DSCAM: variants seen among roughly 807,000 people sequenced by gnomAD.
The protein encoded by DSCAM is DS cell adhesion molecule, also known as cell adhesion molecule DSCAM.
Under a neutral mutation model 217.7 loss-of-function variants are expected in DSCAM, and 47 were observed. That is an observed-to-expected ratio of 0.22 (90% CI 0.17 to 0.28). The LOEUF is 0.28. Ranked by LOEUF, DSCAM falls within the 10% of genes least tolerant of loss-of-function variation. The probability of loss-of-function intolerance (pLI) is 1.00; values close to 1 mark genes in which losing one functional copy is unlikely to be tolerated. For synonymous variants in DSCAM, 1,056 were observed against 1,015.3 expected (o/e 1.04, Z -0.76); for missense variants, 2,080 against 2,618.3 (o/e 0.79, Z 4.49).
Position 40,636,922 on chromosome 21 carries a change from G to C in DSCAM, c.508+55888C>G, listed in dbSNP as rs1022747902. ...TGGCTGAGAAGCCAGGGATCCAAGC[G>C]GAATCAAGCCCAGCTTTGTCATCTC... is the stretch of plus-strand genomic sequence containing the variant. On this transcript the variant is annotated intron_variant, in intron 3 of 32. Transcript: ENST00000400454. Among the ~76,000 whole-genome samples the C allele has an allele frequency of 1.7e-4, 25 of 149,908 alleles. No homozygotes were observed. The East Asian group carries it at 3.0e-3, about 18-fold the overall frequency.
intron 1 of DSCAM, among the ~76,000 whole-genome samples, chr21:40,736,514 C>T (rs902560090): frequency 6.6e-6 from 1 of 152,148 alleles, no homozygotes; most frequent in Non-Finnish European, 1.5e-5. Context: ...ATCACAGTAT[C>T]CACAGGGTTG....
At chr21:40,750,513 T>C (rs1277813276) in intron 1 of DSCAM, among the ~76,000 whole-genome samples, 2 of 152,142 alleles carry the variant, frequency 1.3e-5, no homozygotes, top group Non-Finnish European at 2.9e-5. Context: ...TTGTACTCAC[T>C]CCCTTTCTCC....
intron 3 of DSCAM, among the ~76,000 whole-genome samples, chr21:40,392,267 T>G (rs1490775581): frequency 6.6e-6 from 1 of 152,290 alleles, no homozygotes; most frequent in South Asian, 2.1e-4. Flanking sequence ...GTATTAAGAA[T>G]AATAATCATG....
intron 3 of DSCAM, among the ~76,000 whole-genome samples, chr21:40,476,993 A>G (rs2075942067): frequency 6.6e-6 from 1 of 152,208 alleles, no homozygotes; most frequent in Non-Finnish European, 1.5e-5. Flanking sequence ...AAATAAGTAT[A>G]TTTTATTGCA....
chr21:40,151,982 T>C (rs905939965), intron 16 of DSCAM, among the ~76,000 whole-genome samples: 3 of 152,198 alleles, frequency 2.0e-5, no homozygotes, highest in Non-Finnish European at 4.4e-5. Context: ...AGAAAGAGAA[T>C]TTGCTCACTT....
chr21:40,085,477 C>T, intron 23 of DSCAM, 125 bp downstream of exon 23: 1 of 861,418 alleles, frequency 1.2e-6, no homozygotes. Context: ...TTTTCTTTTT[C>T]TGTAATATGG....
chr21:40,827,905 G>C, intron 1 of DSCAM, among the ~76,000 whole-genome samples: 1 of 152,338 alleles, frequency 6.6e-6, no homozygotes, highest in African/African-American at 2.4e-5. Flanking sequence ...TTTCAGCACA[G>C]TTAGTTTGAG....
intron 14 of DSCAM, among the ~76,000 whole-genome samples, chr21:40,182,019 TG>T (rs529422565): frequency 1.1e-3 from 162 of 152,040 alleles, no homozygotes; most frequent in Non-Finnish European, 2.1e-3. Context: ...GAGACTGCGC[TG>T]GGTGCTTGCT....
chr21:40,739,954 ATTTTTTTTTTTTTTTTTT>A (rs56815777), intron 1 of DSCAM, among the ~76,000 whole-genome samples: 37 of 58,980 alleles, frequency 6.3e-4, no homozygotes, highest in African/African-American at 2.2e-3. Context: ...TGCAGGTGTA[ATTTTTTTTTTTTTTTTTT>A]TTTTTTTTTT....
At chr21:40,356,077 G>A (rs2074689395) in intron 4 of DSCAM, among the ~76,000 whole-genome samples, 1 of 152,054 alleles carries the variant, frequency 6.6e-6, no homozygotes, top group African/African-American at 2.4e-5. Context: ...TATTCTGGCT[G>A]TTGCGAATGA....
chr21:40,720,674 GAA>G (rs66520372), intron 1 of DSCAM, among the ~76,000 whole-genome samples: 1 of 139,606 alleles, frequency 7.2e-6, no homozygotes, highest in Non-Finnish European at 1.6e-5. Flanking sequence ...AGACAGTACA[GAA>G]AAAAAAAAAA....
intron 1 of DSCAM, among the ~76,000 whole-genome samples, chr21:40,809,460 A>AAGAATCAG (rs1384212511): frequency 1.3e-5 from 2 of 150,590 alleles, no homozygotes; most frequent in Admixed American, 1.3e-4. Context: ...TGAACTTGTT[A>AAGAATCAG]AGAATCAGAG....
chr21:40,781,631 G>A (rs183712043), intron 1 of DSCAM, among the ~76,000 whole-genome samples: 1 of 152,128 alleles, frequency 6.6e-6, no homozygotes, highest in Admixed American at 6.5e-5. Flanking sequence ...TGGGGGTCCC[G>A]AAACCAATCC....
chr21:40,837,703 C>T (rs540703562), intron 1 of DSCAM, among the ~76,000 whole-genome samples: 8 of 152,282 alleles, frequency 5.3e-5, no homozygotes, highest in South Asian at 4.2e-4. Flanking sequence ...CACTAGCCAA[C>T]GAAATAGACA....
intron 2 of DSCAM, among the ~76,000 whole-genome samples, chr21:40,706,514 T>A (rs563262139): frequency 2.0e-5 from 3 of 152,278 alleles, no homozygotes; most frequent in African/African-American, 7.2e-5. Flanking sequence ...AGGGAAAGAT[T>A]ATGAAGTCAT....
chr21:40,485,096 C>A (rs2076013902), intron 3 of DSCAM, among the ~76,000 whole-genome samples: 2 of 152,096 alleles, frequency 1.3e-5, no homozygotes, highest in Non-Finnish European at 2.9e-5. Context: ...CCGCCTACAT[C>A]AATTTCTGGC....
intron 11 of DSCAM, among the ~76,000 whole-genome samples, chr21:40,243,743 C>T (rs2837531): frequency 0.013 from 1,978 of 152,188 alleles, 24 homozygotes; most frequent in Middle Eastern, 0.02. Flanking sequence ...TTGCTGAATT[C>T]GGTGAGCATT....
At chr21:40,818,402 T>C (rs375790099) in intron 1 of DSCAM, among the ~76,000 whole-genome samples, 140 of 149,320 alleles carry the variant, frequency 9.4e-4, no homozygotes, top group African/African-American at 3.2e-3. Context: ...AAAAATTAGC[T>C]GGGTGTGGTG....
chr21:40,637,623 A>ATATAGATATATAT (rs1491156074), intron 3 of DSCAM, among the ~76,000 whole-genome samples: 1 of 45,702 alleles, frequency 2.2e-5, no homozygotes, highest in Admixed American at 4.8e-4. Context: ...ATAAATATAT[A>ATATAGATATATAT]CATATATAAA....
Sources: allele counts gnomAD v4.1 joint callset (sites outside exome capture counted in the v4.1 genomes callset), GRCh38; gene constraint gnomAD v4.1.1; transcripts MANE v1.5; gene names NCBI Gene and HGNC (gene_info 2026-07-23, HGNC 2026-07-21).